Variants in KCMF1 observed in about 807,000 individuals in gnomAD.
KCMF1 encodes the protein E3 ubiquitin-protein ligase KCMF1.
In KCMF1, 3 loss-of-function variants were observed where a neutral mutation model predicts 41.1. The ratio of observed to expected loss-of-function variants is 0.07; its 90% CI spans 0.03 to 0.19. The LOEUF (loss-of-function observed/expected upper bound fraction) is 0.19. Among genes scored for constraint, KCMF1 ranks in the 10% least tolerant of loss-of-function variants. The probability of loss-of-function intolerance (pLI) is 1.00; values close to 1 mark genes in which losing one functional copy is unlikely to be tolerated. For synonymous variants in KCMF1, 142 were observed against 164.5 expected (o/e 0.86, Z 1.04); for missense variants, 286 against 488.9 (o/e 0.58, Z 3.91).
At chr2:84,976,045 AT>A (rs983010716) in intron 1 of KCMF1, among the ~76,000 whole-genome samples, 3 of 152,132 alleles carry the variant, frequency 2.0e-5, no homozygotes, top group Non-Finnish European at 4.4e-5. Context: ...AGGAAGATGC[AT>A]TTTTTACGTA....
chr2:85,014,978 A>G (rs546906129), intron 1 of KCMF1, among the ~76,000 whole-genome samples: 1 of 151,716 alleles, frequency 6.6e-6, no homozygotes, highest in Admixed American at 6.6e-5. Flanking sequence ...ATTTTTATCT[A>G]CTTTTTTCTC....
chr2:85,028,148 C>A, intron 2 of KCMF1, 92 bp downstream of exon 2: 1 of 733,078 alleles, frequency 1.4e-6, no homozygotes, highest in Non-Finnish European at 2.2e-6. Flanking sequence ...TCCCCAGCAG[C>A]ATACCATAAG....
chr2:84,982,375 G>A (rs1244504909), intron 1 of KCMF1, among the ~76,000 whole-genome samples: 1 of 116,816 alleles, frequency 8.6e-6, no homozygotes, highest in Non-Finnish European at 1.7e-5. Flanking sequence ...AGTTACAGAT[G>A]TGTTCCTTAT....
At chr2:84,988,755 G>A (rs1327849861) in intron 1 of KCMF1, among the ~76,000 whole-genome samples, 1 of 152,180 alleles carries the variant, frequency 6.6e-6, no homozygotes, top group African/African-American at 2.4e-5. Flanking sequence ...CTCTATCACA[G>A]ACCAAAGCCC....
Position 85,053,485 on chromosome 2 carries a change from G to A in KCMF1, c.*76G>A. ...AGTGGACAACAACTATCTTGGGTTT[G>A]TTTGGTGATTGTAATTTCAGGTCTG... On this transcript the variant is annotated 3_prime_UTR_variant, in exon 7 of 7. Coordinates refer to ENST00000409785, the MANE Select transcript of KCMF1 (RefSeq NM_020122.5). 7.0e-7 allele frequency: 1 copy of A among 1,427,008 alleles called. No individual in the cohort carries two copies. Among genetic ancestry groups the A allele is most frequent in the South Asian group, 1.4e-5 (1 of 70,052 alleles). The allele number at this position is 1,427,008 out of a possible 1,614,324, so 88.4% of individuals were successfully genotyped here.
chr2:85,042,351 C>T (rs545612500), intron 3 of KCMF1, among the ~76,000 whole-genome samples: 2 of 152,212 alleles, frequency 1.3e-5, no homozygotes, highest in South Asian at 4.1e-4. Flanking sequence ...GGAATCAGAG[C>T]AGTTTGTTTT....
chr2:84,995,450 G>T (rs1282286366), intron 1 of KCMF1, among the ~76,000 whole-genome samples: 1 of 152,122 alleles, frequency 6.6e-6, no homozygotes, highest in Non-Finnish European at 1.5e-5. Flanking sequence ...GTTTTTATAA[G>T]AATATGAGTG....
chr2:85,053,271 A>G lies in KCMF1; in HGVS notation c.1008A>G (p.Ser336=). 6.2e-7 allele frequency: 1 copy of G among 1,613,998 alleles called. No homozygotes were observed. The highest frequency in any genetic ancestry group is 8.5e-7 in the Non-Finnish European group (1 of 1,179,892). ...STLVREESSS[S]DEDDRGEMAD... is the part of the protein sequence containing the mutation. The stretch of plus-strand genomic sequence containing the variant: ...TAGTGCGTGAAGAGAGCTCATCCTC[A>G]GATGAGGATGATCGGGGGGAGATGG... Residue 336 remains serine (S), a synonymous_variant, in exon 7 of 7, where the codon TCA becomes TCG. Transcript: ENST00000409785.
chr2:85,050,829 G>A (rs1308931041), intron 6 of KCMF1, among the ~76,000 whole-genome samples: 2 of 152,182 alleles, frequency 1.3e-5, no homozygotes, highest in Non-Finnish European at 2.9e-5. Flanking sequence ...ATACAGTGGT[G>A]CATGTGTATA....
intron 1 of KCMF1, among the ~76,000 whole-genome samples, chr2:85,006,526 T>G (rs1315366817): frequency 6.6e-6 from 1 of 151,908 alleles, no homozygotes; most frequent in Non-Finnish European, 1.5e-5. Flanking sequence ...GATCTCGATC[T>G]TCTGACCTTG....
At chr2:85,004,797 A>T (rs1339066357) in intron 1 of KCMF1, among the ~76,000 whole-genome samples, 2 of 152,034 alleles carry the variant, frequency 1.3e-5, no homozygotes, top group African/African-American at 4.8e-5. Flanking sequence ...TTTATGAATG[A>T]CACTGAAAAT....
chr2:85,033,322 G>C (rs575278571), intron 2 of KCMF1, among the ~76,000 whole-genome samples: 1 of 151,994 alleles, frequency 6.6e-6, no homozygotes, highest in Non-Finnish European at 1.5e-5. Flanking sequence ...TTTTAGTGGC[G>C]TAACACACTG....
chr2:84,982,384 ATTTTCTTTTTTTTTT>A (rs1673783424), intron 1 of KCMF1, among the ~76,000 whole-genome samples: 1 of 35,880 alleles, frequency 2.8e-5, no homozygotes, highest in Non-Finnish European at 5.5e-5. Context: ...TGTGTTCCTT[ATTTTCTTTTTTTTTT>A]TTTTTTTTTT....
intron 1 of KCMF1, among the ~76,000 whole-genome samples, chr2:85,002,678 G>A (rs1037037788): frequency 6.6e-6 from 1 of 150,808 alleles, no homozygotes; most frequent in African/African-American, 2.4e-5. Context: ...TGCATTTAGT[G>A]TCTCCTGGTT....
intron 1 of KCMF1, among the ~76,000 whole-genome samples, chr2:85,019,806 A>G (rs958823052): frequency 3.3e-5 from 5 of 151,816 alleles, no homozygotes; most frequent in African/African-American, 9.7e-5. Flanking sequence ...ATGTGTGTGT[A>G]TATATACATA....
At chr2:84,988,193 T>C (rs1673949949) in intron 1 of KCMF1, among the ~76,000 whole-genome samples, 1 of 151,852 alleles carries the variant, frequency 6.6e-6, no homozygotes, top group Admixed American at 6.6e-5. Context: ...GATCGCGCCA[T>C]TGCACTCCAG....
At chr2:84,980,438 A>G (rs994484265) in intron 1 of KCMF1, among the ~76,000 whole-genome samples, 5 of 152,194 alleles carry the variant, frequency 3.3e-5, no homozygotes, top group East Asian at 1.9e-4. Flanking sequence ...ACACTGCCCA[A>G]TGAAATGAAC....
intron 1 of KCMF1, among the ~76,000 whole-genome samples, chr2:85,025,770 C>T (rs1425240465): frequency 6.6e-6 from 1 of 151,774 alleles, no homozygotes; most frequent in Non-Finnish European, 1.5e-5. Flanking sequence ...CACCATGCCT[C>T]ACTAATTTTT....
intron 5 of KCMF1, among the ~76,000 whole-genome samples, chr2:85,048,029 A>G (rs572392001): frequency 2.6e-4 from 40 of 152,312 alleles, no homozygotes; most frequent in African/African-American, 9.4e-4. Context: ...TGGGTGATGT[A>G]ATAATATGTA....
Sources: allele counts gnomAD v4.1 joint callset (sites outside exome capture counted in the v4.1 genomes callset), GRCh38; gene constraint gnomAD v4.1.1; transcripts MANE v1.5; gene names NCBI Gene and HGNC (gene_info 2026-07-23, HGNC 2026-07-21).